The following SMIM23 variants were observed in gnomAD, a reference collection of about 807,000 sequenced individuals.
SMIM23 encodes small integral membrane protein 23, also known as CTB-78H18.1.
A neutral mutation model predicts 12.8 loss-of-function variants in SMIM23; 10 were observed. The ratio of observed to expected loss-of-function variants is 0.78; its 90% CI spans 0.48 to 1.32. The LOEUF is 1.32. Among genes scored for constraint, SMIM23 ranks in the 40% most tolerant of loss-of-function variants. The pLI is 0.00. For synonymous variants in SMIM23, 78 were observed against 80.1 expected (o/e 0.97, Z 0.14); for missense variants, 184 against 198.2 (o/e 0.93, Z 0.43).
the SMIM23 span, among the ~76,000 whole-genome samples, chr5:171,776,259 G>A: frequency 1.3e-5 from 2 of 149,718 alleles, no homozygotes; most frequent in South Asian, 2.2e-4. Context: ...CACAGTGAGC[G>A]GGGGAGGGGG....
upstream of SMIM23, among the ~76,000 whole-genome samples, chr5:171,784,581 T>C (rs1755781979): frequency 6.6e-6 from 1 of 152,132 alleles, no homozygotes; most frequent in Admixed American, 6.5e-5. Flanking sequence ...ACACTGTTAA[T>C]GAGAATGTAC....
chr5:171,787,425 A>G (rs952059963), intron 1 of SMIM23, among the ~76,000 whole-genome samples: 2 of 152,210 alleles, frequency 1.3e-5, no homozygotes, highest in African/African-American at 4.8e-5. Context: ...AAAGGACTCA[A>G]ACTCAATCCT....
At chr5:171,787,762 G>A (rs1282440669) in intron 1 of SMIM23, among the ~76,000 whole-genome samples, 1 of 152,170 alleles carries the variant, frequency 6.6e-6, no homozygotes. Flanking sequence ...TTGGGGCTCC[G>A]CCCACCTGGC....
Position 171,790,826 on chromosome 5 carries a change from A to C in SMIM23, c.257A>C (p.Glu86Ala), listed in dbSNP as rs1755909182. 2.6e-6 allele frequency: 4 copies of C among 1,536,166 alleles called. No individual in the cohort carries two copies. Among genetic ancestry groups the C allele is most frequent in the Non-Finnish European group, 3.5e-6 (4 of 1,146,924 alleles). The stretch of plus-strand genomic sequence containing the variant: ...GAATATCAGACCAACGAGCCCTCAG[A>C]AGAACCGATAAAGACCATCAGGAAC... ...GLEYQTNEPS[E>A]EPIKTIRNWL... is the part of the protein sequence containing the mutation. The change falls in exon 4 of 4, where the codon GAA becomes GCA. Residue 86 changes from glutamate to alanine, a missense_variant. Coordinates refer to ENST00000523047, the MANE Select transcript of SMIM23 (RefSeq NM_001289970.2).
At position 171,790,609 on chromosome 5, in the gene SMIM23, G is replaced by A. The variant is rs566121761; in HGVS notation, c.225+60G>A. On this transcript the variant is annotated intron_variant, in intron 3 of 3. Coordinates refer to ENST00000523047, the MANE Select transcript of SMIM23 (RefSeq NM_001289970.2). ...TCTGGGAAGGCTTTCCAGAGGAGGTGTCATTGGCAACATGGGTCATGAAAG... is the reference window on the plus strand; with the variant it reads ...TCTGGGAAGGCTTTCCAGAGGAGGTATCATTGGCAACATGGGTCATGAAAG... 2.7e-6 allele frequency: 4 copies of A among 1,480,928 alleles called. No individual in the cohort carries two copies. The South Asian group carries it at 3.6e-5, about 13-fold the overall frequency. The allele number at this position is 1,480,928 out of a possible 1,614,324, so 91.7% of individuals were successfully genotyped here. A position where few individuals can be genotyped will look rare whatever the true frequency, so the allele number is the denominator to read the frequency against.
chr5:171,778,315 C>A (rs146521139), upstream of SMIM23, among the ~76,000 whole-genome samples: 226 of 151,852 alleles, frequency 1.5e-3, 1 homozygote, highest in African/African-American at 5.3e-3. Context: ...TGAGATCATG[C>A]CATTGCACTC....
rs1388349916 is a variant in SMIM23 at position 171,790,575 on chromosome 5, G to A, written c.225+26G>A. ...GTAACATGTCCAGCAAGGTACTGAG[G>A]TGAGGCAATCTGGGAAGGCTTTCCA... is the stretch of plus-strand genomic sequence containing the variant. On this transcript the variant is annotated intron_variant, in intron 3 of 3. Coordinates refer to ENST00000523047, the MANE Select transcript of SMIM23 (RefSeq NM_001289970.2). 9 of 1,534,118 alleles carry A rather than the reference G, an allele frequency of 5.9e-6. No individual in the cohort carries two copies. In the South Asian group the frequency reaches 8.3e-5, roughly 14 times the overall value.
rs962726721 is a variant in SMIM23, at chr5:171,790,512, G to C, written c.188G>C (p.Arg63Thr). The C allele has an allele frequency of 6.5e-7, 1 of 1,536,686 alleles. No homozygotes were observed. The highest frequency in any genetic ancestry group is 8.7e-7 in the Non-Finnish European group (1 of 1,147,080). The change falls in exon 3 of 4, where the codon AGA becomes ACA. Residue 63 changes from arginine (R) to threonine (T), a missense_variant. Transcript: ENST00000523047. ...AGTTGGGAGGTGTCAGAAAGGATCA[G>C]AGAATGTAACTACTACCAGAATCTT... ...GSSWEVSERI[R>T]ECNYYQNLAV...
At chr5:171,772,646 G>A in the SMIM23 span, among the ~76,000 whole-genome samples, 3 of 152,154 alleles carry the variant, frequency 2.0e-5, no homozygotes, top group East Asian at 5.8e-4. Context: ...TTTGGGTTCA[G>A]CGAGGCAGCG....
At chr5:171,784,470 A>C (rs1471750226), upstream of SMIM23, among the ~76,000 whole-genome samples, 1 of 151,930 alleles carries the variant, frequency 6.6e-6, no homozygotes, top group Non-Finnish European at 1.5e-5. Flanking sequence ...GTGCCACTGC[A>C]CTCCAGCTTG....
At chr5:171,782,289 A>G (rs1167544187), upstream of SMIM23, 1 of 152,220 alleles carries the variant, frequency 6.6e-6, no homozygotes, top group Non-Finnish European at 1.5e-5. Context: ...TCTCACATCT[A>G]CTTACGGACA....
chr5:171,777,192 G>A, the SMIM23 span, among the ~76,000 whole-genome samples: 1 of 152,056 alleles, frequency 6.6e-6, no homozygotes, highest in East Asian at 1.9e-4. Context: ...CTGAAATTCC[G>A]ACTGTAATAA....
At chr5:171,782,827 A>G (rs747153403), upstream of SMIM23, 3 of 152,218 alleles carry the variant, frequency 2.0e-5, no homozygotes, top group Non-Finnish European at 4.4e-5. Flanking sequence ...ATGTTTAGTA[A>G]GACAGATTTA....
chr5:171,786,860 G>A (rs758767190), intron 1 of SMIM23, among the ~76,000 whole-genome samples: 29 of 152,046 alleles, frequency 1.9e-4, no homozygotes, highest in Non-Finnish European at 4.0e-4. Context: ...CTTGGGGAAG[G>A]CTGCATACCC....
chr5:171,790,912 G>C lies in SMIM23; in HGVS notation c.343G>C (p.Glu115Gln). Residue 115 changes from glutamate to glutamine, a missense_variant, in exon 4 of 4, where the codon GAG becomes CAG. Coordinates refer to ENST00000523047, the MANE Select transcript of SMIM23 (RefSeq NM_001289970.2). ...EKLEEEVQQL[E>Q]QLAWDLELWL... Reference sequence around the variant, plus strand: ...GTTAGAGGAAGAGGTGCAGCAGCTGGAGCAGCTAGCGTGGGACCTGGAACT... The same window carrying C: ...GTTAGAGGAAGAGGTGCAGCAGCTGCAGCAGCTAGCGTGGGACCTGGAACT... The C allele has an allele frequency of 6.5e-7, 1 of 1,536,148 alleles. No individual in the cohort carries two copies. Among genetic ancestry groups the C allele is most frequent in the Non-Finnish European group, 8.7e-7 (1 of 1,146,922 alleles).
the SMIM23 span, among the ~76,000 whole-genome samples, chr5:171,776,355 T>G: frequency 6.6e-6 from 1 of 152,290 alleles, no homozygotes; most frequent in South Asian, 2.1e-4. Context: ...CCGAGGCACA[T>G]GTAACCACCC....
chr5:171,775,352 C>T, the SMIM23 span, among the ~76,000 whole-genome samples: 1 of 152,188 alleles, frequency 6.6e-6, no homozygotes, highest in Admixed American at 6.5e-5. Context: ...ACCTCCCCCT[C>T]CTTCGGGCCC....
At chr5:171,778,553 T>C (rs1299476248), upstream of SMIM23, among the ~76,000 whole-genome samples, 5 of 151,896 alleles carry the variant, frequency 3.3e-5, no homozygotes, top group Non-Finnish European at 2.9e-5. Context: ...ATGGGAGTGC[T>C]GTAGCCACAA....
chr5:171,779,621 T>C (rs764642064), upstream of SMIM23, among the ~76,000 whole-genome samples: 1 of 152,212 alleles, frequency 6.6e-6, no homozygotes, highest in Non-Finnish European at 1.5e-5. Context: ...CCCACTCCTG[T>C]ACAGGCTTGC....
Sources: allele counts gnomAD v4.1 joint callset (sites outside exome capture counted in the v4.1 genomes callset), GRCh38; gene constraint gnomAD v4.1.1; transcripts MANE v1.5; gene names NCBI Gene and HGNC (gene_info 2026-07-23, HGNC 2026-07-21).